Variants in CNTNAP2 observed in about 807,000 individuals in gnomAD.
CNTNAP2 encodes the protein contactin-associated protein-like 2.
A neutral mutation model predicts 155.2 loss-of-function variants in CNTNAP2; 98 were observed. The ratio of observed to expected loss-of-function variants is 0.63; its 90% CI spans 0.54 to 0.75. The LOEUF (loss-of-function observed/expected upper bound fraction) is 0.75. Among genes scored for constraint, CNTNAP2 ranks in the 30% least tolerant of loss-of-function variants. The probability of loss-of-function intolerance (pLI) is 0.00; values close to 1 mark genes in which losing one functional copy is unlikely to be tolerated. For synonymous variants in CNTNAP2, 651 were observed against 631.2 expected (o/e 1.03, Z -0.47); for missense variants, 1,727 against 1,688.1 (o/e 1.02, Z -0.40).
chr7:146,189,616 T>A (rs1436294378), intron 1 of CNTNAP2, among the ~76,000 whole-genome samples: 3 of 152,162 alleles, frequency 2.0e-5, no homozygotes, highest in African/African-American at 7.2e-5. Context: ...TTAGACATTG[T>A]CAAAGAGAAA....
At chr7:146,414,250 G>A (rs1441001702) in intron 1 of CNTNAP2, among the ~76,000 whole-genome samples, 1 of 152,212 alleles carries the variant, frequency 6.6e-6, no homozygotes, top group South Asian at 2.1e-4. Context: ...GCTGCTTAAA[G>A]AGTTGGAAGA....
At chr7:147,956,201 C>T (rs1801013854) in intron 14 of CNTNAP2, among the ~76,000 whole-genome samples, 1 of 151,238 alleles carries the variant, frequency 6.6e-6, no homozygotes, top group Admixed American at 6.6e-5. Context: ...TGTTAAAACA[C>T]AAAATACATG....
intron 13 of CNTNAP2, among the ~76,000 whole-genome samples, chr7:147,853,138 T>C (rs1798978852): frequency 6.6e-6 from 1 of 152,226 alleles, no homozygotes; most frequent in African/African-American, 2.4e-5. Context: ...ATTTATTTTC[T>C]GAAGTATCTA....
intron 21 of CNTNAP2, among the ~76,000 whole-genome samples, chr7:148,299,770 C>A (rs778655430): frequency 2.0e-5 from 3 of 152,194 alleles, no homozygotes; most frequent in Non-Finnish European, 4.4e-5. Flanking sequence ...GATGATTAGT[C>A]TTTGCCCAGT....
At chr7:147,123,038 A>C (rs928963759) in intron 6 of CNTNAP2, 4 of 152,298 alleles carry the variant, frequency 2.6e-5, no homozygotes, top group Middle Eastern at 3.4e-3. Context: ...AATTTAGAGT[A>C]GAATATGCTA....
intron 1 of CNTNAP2, among the ~76,000 whole-genome samples, chr7:146,479,288 G>T (rs700273): frequency 0.53 from 80,990 of 152,064 alleles, 25,172 homozygotes; most frequent in African/African-American, 0.87. Flanking sequence ...AGTTATCTAT[G>T]AATTGTGCTT....
chr7:147,085,007 T>C (rs940794421), intron 4 of CNTNAP2, among the ~76,000 whole-genome samples: 3 of 151,992 alleles, frequency 2.0e-5, no homozygotes, highest in Non-Finnish European at 4.4e-5. Context: ...TGAGTACTTA[T>C]AAAATCAGGC....
At chr7:147,257,395 C>G (rs1279765508) in intron 8 of CNTNAP2, among the ~76,000 whole-genome samples, 1 of 152,194 alleles carries the variant, frequency 6.6e-6, no homozygotes, top group East Asian at 1.9e-4. Context: ...GCAATCTAAT[C>G]AGATAACCTA....
At chr7:146,552,173 C>T (rs1001287776) in intron 1 of CNTNAP2, among the ~76,000 whole-genome samples, 1 of 151,936 alleles carries the variant, frequency 6.6e-6, no homozygotes, top group East Asian at 1.9e-4. Context: ...CTTTATCATG[C>T]CTAAATACTA....
At chr7:146,133,530 G>A (rs1392479046) in intron 1 of CNTNAP2, among the ~76,000 whole-genome samples, 2 of 152,036 alleles carry the variant, frequency 1.3e-5, no homozygotes, top group Admixed American at 6.6e-5. Flanking sequence ...TTTCTTCTAG[G>A]GTTTTTATGG....
intron 13 of CNTNAP2, among the ~76,000 whole-genome samples, chr7:147,802,611 C>CA (rs1179185105): frequency 2.6e-5 from 4 of 152,082 alleles, no homozygotes; most frequent in Non-Finnish European, 5.9e-5. Context: ...CCGTCTCCAC[C>CA]AAAAAAGTAC....
chr7:147,042,094 A>G (rs1799269967), intron 3 of CNTNAP2, among the ~76,000 whole-genome samples: 1 of 152,196 alleles, frequency 6.6e-6, no homozygotes, highest in East Asian at 1.9e-4. Context: ...TTTGTCAACA[A>G]GATGCAATGA....
At chr7:146,233,160 A>T (rs1799414318) in intron 1 of CNTNAP2, among the ~76,000 whole-genome samples, 1 of 149,062 alleles carries the variant, frequency 6.7e-6, no homozygotes, top group Non-Finnish European at 1.5e-5. Context: ...GAAAAAGAAA[A>T]ATCCAAAAAA....
chr7:146,617,017 T>TTTG (rs1554456706), intron 1 of CNTNAP2, among the ~76,000 whole-genome samples: 8 of 151,274 alleles, frequency 5.3e-5, no homozygotes, highest in Non-Finnish European at 1.2e-4. Context: ...AACCTGGTTT[T>TTTG]TTTGTTTGTT....
chr7:147,178,815 G>GA (rs1186374444), intron 8 of CNTNAP2, among the ~76,000 whole-genome samples: 4 of 151,966 alleles, frequency 2.6e-5, no homozygotes, highest in Admixed American at 6.6e-5. Context: ...CCTTTAGTTT[G>GA]AAAAAACAAA....
At chr7:148,020,981 A>G (rs1802270438) in intron 15 of CNTNAP2, among the ~76,000 whole-genome samples, 1 of 152,196 alleles carries the variant, frequency 6.6e-6, no homozygotes, top group Non-Finnish European at 1.5e-5. Context: ...GTTACTGAAT[A>G]CTTTCTTGCA....
intron 18 of CNTNAP2, among the ~76,000 whole-genome samples, chr7:148,182,125 A>C (rs1795049021): frequency 6.6e-6 from 1 of 151,810 alleles, no homozygotes; most frequent in African/African-American, 2.4e-5. Flanking sequence ...TGAGTGTTTT[A>C]TTTGTATATG....
rs192440576 is a variant in CNTNAP2 at position 146,416,121 on chromosome 7, A to G, written c.97+299148A>G. ...TGGATAATTTCATAACTTTTTATAT[A>G]TAAGATTCCAACTGGCCTTTATTTC... On this transcript the variant is annotated intron_variant, in intron 1 of 23. Transcript: ENST00000361727. Among the ~76,000 whole-genome samples, 359 of 151,338 alleles carry G rather than the reference A, an allele frequency of 2.4e-3. 1 individual carries two copies. Among genetic ancestry groups the G allele is most frequent in the Admixed American group, 5.7e-3 (87 of 15,136 alleles).
Position 147,837,354 on chromosome 7 carries a change from C to T in CNTNAP2, c.2099-66211C>T, listed in dbSNP as rs542345175. 6.6e-5 allele frequency among the ~76,000 whole-genome samples: 10 copies of T among 152,184 alleles called. No homozygotes were observed. The South Asian group carries it at 1.5e-3, about 22-fold the overall frequency. On this transcript the variant is annotated intron_variant, in intron 13 of 23. Transcript: ENST00000361727. ...TCATGAGACTAGCACAGGAAAGACC[C>T]ACCTCCATGATTCAGTTACCTCCCA...
Sources: allele counts gnomAD v4.1 joint callset (sites outside exome capture counted in the v4.1 genomes callset), GRCh38; gene constraint gnomAD v4.1.1; transcripts MANE v1.5; gene names NCBI Gene and HGNC (gene_info 2026-07-23, HGNC 2026-07-21).